The following SLC4A4 variants were observed in gnomAD, a reference collection of about 807,000 sequenced individuals.
The protein encoded by SLC4A4 is solute carrier family 4 member 4, also known as electrogenic sodium bicarbonate cotransporter 1.
In SLC4A4, 27 loss-of-function variants were observed where a neutral mutation model predicts 111.5. The observed-to-expected ratio is 0.24, with a 90% CI of 0.18 to 0.33. The LOEUF is 0.33. Among genes scored for constraint, SLC4A4 ranks in the 10% least tolerant of loss-of-function variants. SLC4A4 has a pLI of 1.00. For synonymous variants in SLC4A4, 443 were observed against 463.4 expected (o/e 0.96, Z 0.57); for missense variants, 909 against 1,315.5 (o/e 0.69, Z 4.78).
chr4:71,421,830 C>A (rs1293936130), intron 7 of SLC4A4, among the ~76,000 whole-genome samples: 1 of 151,978 alleles, frequency 6.6e-6, no homozygotes, highest in African/African-American at 2.4e-5. Flanking sequence ...GGGACACATT[C>A]AAAGCAGTGT....
intron 2 of SLC4A4, among the ~76,000 whole-genome samples, chr4:71,249,172 A>G (rs1256925984): frequency 6.6e-6 from 1 of 152,134 alleles, no homozygotes; most frequent in Non-Finnish European, 1.5e-5. Context: ...CAGTGGGAAG[A>G]AAAGTATTTC....
chr4:71,134,670 G>T (rs1743796452), intron 2 of SLC4A4, among the ~76,000 whole-genome samples: 2 of 152,202 alleles, frequency 1.3e-5, no homozygotes, highest in Admixed American at 1.3e-4. Context: ...TCCCTCCTCT[G>T]TTGCTGTCTT....
intron 1 of SLC4A4, among the ~76,000 whole-genome samples, chr4:71,064,024 C>T (rs1236331566): frequency 1.3e-5 from 2 of 152,040 alleles, no homozygotes; most frequent in Non-Finnish European, 2.9e-5. Context: ...ATGTCTGTAT[C>T]AAAATATCTC....
chr4:71,317,075 CGTGTGT>C (rs3039073), intron 3 of SLC4A4, among the ~76,000 whole-genome samples: 3,665 of 146,718 alleles, frequency 0.025, 113 homozygotes, highest in African/African-American at 0.073. Context: ...TGTGTGTGTG[CGTGTGT>C]GTGTGTGTGT....
chr4:71,495,390 A>G (rs1265581879), intron 15 of SLC4A4, among the ~76,000 whole-genome samples: 2 of 152,076 alleles, frequency 1.3e-5, no homozygotes, highest in Non-Finnish European at 2.9e-5. Flanking sequence ...AGCTATTATG[A>G]CTTCTAAACT....
intron 2 of SLC4A4, among the ~76,000 whole-genome samples, chr4:71,246,213 G>A (rs1294878124): frequency 6.6e-6 from 1 of 152,156 alleles, no homozygotes; most frequent in Non-Finnish European, 1.5e-5. Flanking sequence ...GAACTAGAAA[G>A]GATCTTAGAG....
At chr4:71,405,514 A>G (rs1194558892) in intron 7 of SLC4A4, among the ~76,000 whole-genome samples, 1 of 152,176 alleles carries the variant, frequency 6.6e-6, no homozygotes, top group East Asian at 1.9e-4. Flanking sequence ...TCTTTGCTGT[A>G]CAAATAAGCC....
intron 1 of SLC4A4, among the ~76,000 whole-genome samples, chr4:71,219,844 C>G (rs1718642065): frequency 6.6e-6 from 1 of 152,148 alleles, no homozygotes; most frequent in Admixed American, 6.5e-5. Flanking sequence ...AGCAAGAGAA[C>G]TAGAATTAGA....
intron 2 of SLC4A4, among the ~76,000 whole-genome samples, chr4:71,154,780 T>G (rs2148974036): frequency 6.6e-6 from 1 of 152,300 alleles, no homozygotes; most frequent in South Asian, 2.1e-4. Flanking sequence ...AGCAAATCTA[T>G]GCCAATTAAG....
chr4:71,229,457 A>G (rs1209844755), intron 1 of SLC4A4, among the ~76,000 whole-genome samples: 1 of 152,230 alleles, frequency 6.6e-6, no homozygotes, highest in Non-Finnish European at 1.5e-5. Context: ...TCATAAATCC[A>G]GAATTAGATT....
At chr4:71,501,959 G>A (rs1337511289) in intron 16 of SLC4A4, among the ~76,000 whole-genome samples, 6 of 150,336 alleles carry the variant, frequency 4.0e-5, no homozygotes, top group African/African-American at 1.5e-4. Context: ...CACCATGCCT[G>A]GCCTATTTTA....
intron 2 of SLC4A4, among the ~76,000 whole-genome samples, chr4:71,113,559 T>C (rs1331814758): frequency 6.6e-6 from 1 of 152,178 alleles, no homozygotes; most frequent in African/African-American, 2.4e-5. Flanking sequence ...TCTGCCCAGC[T>C]CCCCTGTGCA....
At chr4:71,339,004 G>T in intron 3 of SLC4A4, 1 of 1,369,458 alleles carries the variant, frequency 7.3e-7, no homozygotes. Context: ...AAAGTGACTG[G>T]TTCAAGCTGG....
At chr4:71,446,679 T>G (rs1211216842) in intron 8 of SLC4A4, among the ~76,000 whole-genome samples, 2 of 152,230 alleles carry the variant, frequency 1.3e-5, no homozygotes, top group African/African-American at 2.4e-5. Context: ...GAATGTGAAG[T>G]GCTTTGGAGG....
chr4:71,078,505 G>A (rs1445679354), intron 1 of SLC4A4, among the ~76,000 whole-genome samples: 1 of 152,098 alleles, frequency 6.6e-6, no homozygotes, highest in East Asian at 1.9e-4. Flanking sequence ...TAGAATCTTG[G>A]AAAGGCTTAA....
chr4:71,106,882 C>T (rs1447089928), intron 2 of SLC4A4, among the ~76,000 whole-genome samples: 1 of 148,852 alleles, frequency 6.7e-6, no homozygotes, highest in Non-Finnish European at 1.5e-5. Context: ...ATGTAACTAA[C>T]CTGCACAGTG....
chr4:71,292,833 G>GTTTATTTTTT (rs1724463894), intron 3 of SLC4A4, among the ~76,000 whole-genome samples: 1 of 133,386 alleles, frequency 7.5e-6, no homozygotes, highest in African/African-American at 3.0e-5. Context: ...CTTACTTTTG[G>GTTTATTTTTT]TTTTTTTTGT....
chr4:71,271,106 T>C (rs1484379331), intron 3 of SLC4A4, among the ~76,000 whole-genome samples: 4 of 152,200 alleles, frequency 2.6e-5, no homozygotes, highest in Non-Finnish European at 4.4e-5. Flanking sequence ...CCATAGATTA[T>C]GTCTATGTGG....
At chr4:71,314,873 T>C (rs534356769) in intron 3 of SLC4A4, among the ~76,000 whole-genome samples, 61 of 152,204 alleles carry the variant, frequency 4.0e-4, no homozygotes, top group African/African-American at 1.3e-3. Flanking sequence ...CCATGGCACA[T>C]GTATACCTAT....
Sources: allele counts gnomAD v4.1 joint callset (sites outside exome capture counted in the v4.1 genomes callset), GRCh38; gene constraint gnomAD v4.1.1; transcripts MANE v1.5; gene names NCBI Gene and HGNC (gene_info 2026-07-23, HGNC 2026-07-21).